DPY19L1: variants seen among roughly 807,000 people sequenced by gnomAD.
DPY19L1 encodes dpy-19 like C-mannosyltransferase 1.
In DPY19L1, 35 loss-of-function variants were observed where a neutral mutation model predicts 96.9. The ratio of observed to expected loss-of-function variants is 0.36; its 90% confidence interval spans 0.28 to 0.48. The LOEUF is 0.48. Among genes scored for constraint, DPY19L1 ranks in the 20% least tolerant of loss-of-function variants. DPY19L1 has a pLI of 0.99. For synonymous variants in DPY19L1, 205 were observed against 252.6 expected (o/e 0.81, Z 1.79); for missense variants, 521 against 777.9 (o/e 0.67, Z 3.93).
chr7:34,942,582 A>G lies in DPY19L1; in HGVS notation c.1569+33T>C, dbSNP rs780604216. 42 of 1,543,514 alleles carry G rather than the reference A, an allele frequency of 2.7e-5. 1 individual carries two copies. The highest frequency in any genetic ancestry group is 1.2e-4 in the Admixed American group (6 of 50,836). On this transcript the variant is annotated intron_variant, in intron 17 of 21. Transcript: ENST00000638088. ...AAGTCCAAATGCATGCAACTTTAAG[A>G]TAAGTAAAATTATAGTCATATTAAG...
At chr7:35,015,819 C>T (rs1442327523) in intron 3 of DPY19L1, among the ~76,000 whole-genome samples, 1 of 152,240 alleles carries the variant, frequency 6.6e-6, no homozygotes, top group Non-Finnish European at 1.5e-5. Context: ...AAGCCAAGAA[C>T]CCACATGGCC....
At chr7:35,018,068 C>A (rs2128680063) in intron 2 of DPY19L1, 99 bp from the exon 3 acceptor site, 1 of 806,774 alleles carries the variant, frequency 1.2e-6, no homozygotes, top group Non-Finnish European at 1.9e-6. Flanking sequence ...AGTTAACTTG[C>A]AGATAATTTT....
At chr7:34,997,297 CAAA>C (rs896530528) in intron 6 of DPY19L1, among the ~76,000 whole-genome samples, 1 of 130,664 alleles carries the variant, frequency 7.7e-6, no homozygotes. Flanking sequence ...AATATTAATT[CAAA>C]AAAAAAAAAA....
rs1283542778 is a variant in DPY19L1, at chr7:35,025,900, T to C, written c.299-7304A>G. Among the ~76,000 whole-genome samples, 4 of 152,188 alleles carry C rather than the reference T, an allele frequency of 2.6e-5. No homozygotes were observed. In the East Asian group the frequency reaches 7.7e-4, roughly 29 times the overall value. ...TCTTTGCATGCCATTATGTGGAAGG[T>C]TGAGAAGCACTGACATTGGTCAACA... On this transcript the variant is annotated intron_variant, in intron 1 of 21. Transcript: ENST00000638088.
At chr7:34,963,957 T>C (rs1419844713) in intron 10 of DPY19L1, among the ~76,000 whole-genome samples, 1 of 152,172 alleles carries the variant, frequency 6.6e-6, no homozygotes, top group Non-Finnish European at 1.5e-5. Flanking sequence ...AGGACTTTAA[T>C]GGGTATAAAG....
At chr7:35,000,962 GTAGAGCACA>G (rs1248146055) in intron 6 of DPY19L1, among the ~76,000 whole-genome samples, 1 of 152,218 alleles carries the variant, frequency 6.6e-6, no homozygotes, top group Non-Finnish European at 1.5e-5. Context: ...CTCAGAGACA[GTAGAGCACA>G]CGTTTTGGAG....
chr7:35,022,666 C>T (rs113064040), intron 1 of DPY19L1, among the ~76,000 whole-genome samples: 9 of 152,222 alleles, frequency 5.9e-5, no homozygotes, highest in African/African-American at 2.2e-4. Context: ...TGAGCACGCT[C>T]AAGTGTTTGC....
At chr7:34,978,363 C>A (rs1201961485) in intron 7 of DPY19L1, among the ~76,000 whole-genome samples, 1 of 152,102 alleles carries the variant, frequency 6.6e-6, no homozygotes, top group East Asian at 1.9e-4. Context: ...CTTTATATTG[C>A]TTAATATTAA....
rs57262214 is a variant in DPY19L1, at chr7:35,027,668, T to TAAAAAAAAAAAAAAAAAAAAAAA, written c.299-9073_299-9072insTTTTTTTTTTTTTTTTTTTTTTT. 1.8e-3 allele frequency among the ~76,000 whole-genome samples: 130 copies of TAAAAAAAAAAAAAAAAAAAAAAA among 71,306 alleles called. 8 individuals carry two copies. Among genetic ancestry groups the TAAAAAAAAAAAAAAAAAAAAAAA allele is most frequent in the Admixed American group, 3.1e-3 (15 of 4,836 alleles). 46.8% of individuals were successfully genotyped at this position (71,306 alleles called of 152,430 possible). ...CAACATGGCAAAACCCCGTCTCTACTAAAAAAAAAAAAAAAAAAAATTAGT... is the reference window on the plus strand; with the variant it reads ...CAACATGGCAAAACCCCGTCTCTACTAAAAAAAAAAAAAAAAAAAAAAAAAAAAAAAAAAAAAAAAAAATTAGT... On this transcript the variant is annotated intron_variant, in intron 1 of 21. Transcript: ENST00000638088.
intron 2 of DPY19L1, 138 bp from the exon 3 acceptor site, chr7:35,018,107 A>G (rs1335908211): frequency 3.7e-6 from 2 of 543,148 alleles, no homozygotes; most frequent in South Asian, 3.6e-5. Context: ...AATAGTATCT[A>G]TATTTTTTTC....
chr7:34,987,202 T>C (rs1584238593), intron 7 of DPY19L1, among the ~76,000 whole-genome samples: 1 of 152,170 alleles, frequency 6.6e-6, no homozygotes. Context: ...ATTGCTAGCT[T>C]TCATCTTTGC....
intron 1 of DPY19L1, among the ~76,000 whole-genome samples, chr7:35,030,647 C>T (rs1360664417): frequency 6.6e-6 from 1 of 152,028 alleles, no homozygotes; most frequent in African/African-American, 2.4e-5. Flanking sequence ...CAGAAAAACA[C>T]AAACAGCTAT....
chr7:34,939,403 AGAC>A (rs1306709673), intron 19 of DPY19L1, 28 bp from the exon 20 acceptor site: 1 of 1,602,232 alleles, frequency 6.2e-7, no homozygotes, highest in Admixed American at 1.7e-5. Context: ...TGTCTCAGGA[AGAC>A]ACTCAGTGAA....
chr7:35,006,474 C>G (rs144637050), intron 6 of DPY19L1, among the ~76,000 whole-genome samples: 30 of 152,276 alleles, frequency 2.0e-4, no homozygotes, highest in Admixed American at 9.2e-4. Context: ...GTCCAACAAC[C>G]AATGCTCCTT....
chr7:34,990,740 G>T (rs992198311), intron 6 of DPY19L1, among the ~76,000 whole-genome samples: 1 of 152,176 alleles, frequency 6.6e-6, no homozygotes, highest in African/African-American at 2.4e-5. Flanking sequence ...ATTTCATCAT[G>T]TTCTGCATTT....
At chr7:35,019,931 G>T (rs1487163244) in intron 1 of DPY19L1, among the ~76,000 whole-genome samples, 1 of 152,144 alleles carries the variant, frequency 6.6e-6, no homozygotes, top group African/African-American at 2.4e-5. Context: ...GGAGGAAGTA[G>T]GGGGATCAGC....
chr7:35,031,872 A>C (rs1786268102), intron 1 of DPY19L1, among the ~76,000 whole-genome samples: 1 of 152,208 alleles, frequency 6.6e-6, no homozygotes, highest in Non-Finnish European at 1.5e-5. Flanking sequence ...ATGGCTGTAA[A>C]CATTAAAGAA....
At chr7:35,018,546 A>G (rs1785913910) in intron 2 of DPY19L1, 26 bp downstream of exon 2, 1 of 1,600,548 alleles carries the variant, frequency 6.2e-7, no homozygotes, top group South Asian at 1.1e-5. Context: ...TGCATAAAAT[A>G]CCATAGGAGA....
intron 3 of DPY19L1, among the ~76,000 whole-genome samples, chr7:35,014,728 G>C (rs546194823): frequency 3.8e-4 from 58 of 152,152 alleles, no homozygotes; most frequent in Non-Finnish European, 6.0e-4. Context: ...ATGTCCACCA[G>C]ACCCTGTGGA....
Sources: gnomAD v4.1 joint callset for allele counts (sites outside exome capture counted in the v4.1 genomes callset) on GRCh38, gnomAD v4.1.1 for gene constraint, MANE v1.5 for transcripts, NCBI Gene and HGNC (gene_info 2026-07-23, HGNC 2026-07-21) for gene names.